GRIA1: variants seen among roughly 807,000 people sequenced by gnomAD.
GRIA1 encodes the protein glutamate receptor 1.
In GRIA1, 31 loss-of-function variants were observed where a neutral mutation model predicts 99.2. The observed-to-expected ratio is 0.31, with a 90% CI of 0.23 to 0.42. GRIA1 has a LOEUF of 0.42. Among genes scored for constraint, GRIA1 ranks in the 10% least tolerant of loss-of-function variants. The probability of loss-of-function intolerance (pLI) is 1.00; values close to 1 mark genes in which losing one functional copy is unlikely to be tolerated. For synonymous variants in GRIA1, 438 were observed against 432.4 expected (o/e 1.01, Z -0.16); for missense variants, 782 against 1,157.5 (o/e 0.68, Z 4.71).
intron 14 of GRIA1, among the ~76,000 whole-genome samples, chr5:153,796,165 A>G (rs1765634294): frequency 6.6e-6 from 1 of 151,972 alleles, no homozygotes; most frequent in Non-Finnish European, 1.5e-5. Flanking sequence ...TGAATTCATG[A>G]TGAGTTGAAG....
intron 11 of GRIA1, among the ~76,000 whole-genome samples, chr5:153,742,293 C>T (rs374642243): frequency 2.3e-4 from 35 of 152,158 alleles, no homozygotes; most frequent in East Asian, 1.5e-3. Context: ...ATGGACAGGG[C>T]GGTGGATGAC....
intron 1 of GRIA1, among the ~76,000 whole-genome samples, chr5:153,493,583 G>A (rs542957165): frequency 6.6e-6 from 1 of 152,304 alleles, no homozygotes; most frequent in South Asian, 2.1e-4. Context: ...TTATGTGTAT[G>A]TTTATATAAG....
Position 153,731,378 on chromosome 5 carries a change from T to C in GRIA1, c.1823+25311T>C, listed in dbSNP as rs146062589. Among the ~76,000 whole-genome samples the C allele has an allele frequency of 8.5e-5, 13 of 152,130 alleles. No individual in the cohort carries two copies. The East Asian group carries it at 2.5e-3, about 29-fold the overall frequency. On this transcript the variant is annotated intron_variant, in intron 11 of 15. Transcript: ENST00000285900. ...ATTCCATGCTGTCTCTCTAATATAC[T>C]CCTTCTTCACAATTCAGCTCCAATT...
intron 2 of GRIA1, 61 bp downstream of exon 2, chr5:153,494,126 T>A (rs556079435): frequency 2.9e-5 from 45 of 1,554,734 alleles, no homozygotes; most frequent in Non-Finnish European, 3.8e-5. Context: ...AAGGAGGGCC[T>A]GTGGGTAGGT....
intron 2 of GRIA1, among the ~76,000 whole-genome samples, chr5:153,631,137 T>C (rs977261697): frequency 3.3e-5 from 5 of 152,322 alleles, no homozygotes; most frequent in Admixed American, 2.6e-4. Flanking sequence ...TGCTGAGAAA[T>C]GAGAAAGAGG....
rs186760066 is a variant in GRIA1, at chr5:153,733,756, A to G, written c.1823+27689A>G. Among the ~76,000 whole-genome samples the G allele has an allele frequency of 2.0e-5, 3 of 152,302 alleles. No homozygotes were observed. The East Asian group carries it at 5.8e-4, about 29-fold the overall frequency. ...ACACTTTAAGTCATAAATTGTAACA[A>G]CAGACAAAGGGCATCATTATATAAT... is the stretch of plus-strand genomic sequence containing the variant. On this transcript the variant is annotated intron_variant, in intron 11 of 15. Transcript: ENST00000285900.
chr5:153,522,805 A>G (rs1269157856), intron 2 of GRIA1, among the ~76,000 whole-genome samples: 1 of 152,192 alleles, frequency 6.6e-6, no homozygotes, highest in Non-Finnish European at 1.5e-5. Flanking sequence ...AAATCTTACC[A>G]TGTAACTGCA....
At chr5:153,661,843 C>A (rs1407397251) in intron 5 of GRIA1, among the ~76,000 whole-genome samples, 1 of 152,158 alleles carries the variant, frequency 6.6e-6, no homozygotes, top group Non-Finnish European at 1.5e-5. Flanking sequence ...GCCTAAGAGG[C>A]CTTCTAACCC....
At chr5:153,766,862 A>G (rs761071074) in intron 12 of GRIA1, among the ~76,000 whole-genome samples, 4 of 152,202 alleles carry the variant, frequency 2.6e-5, no homozygotes, top group Non-Finnish European at 4.4e-5. Flanking sequence ...ACGTCAGTTG[A>G]CATATTACTG....
chr5:153,754,709 A>G (rs1325880411), intron 11 of GRIA1, among the ~76,000 whole-genome samples: 2 of 152,182 alleles, frequency 1.3e-5, no homozygotes. Flanking sequence ...CAGCCTGACA[A>G]TTCTTCCCAC....
intron 2 of GRIA1, among the ~76,000 whole-genome samples, chr5:153,605,485 C>T (rs1297784822): frequency 1.3e-5 from 2 of 152,156 alleles, no homozygotes; most frequent in Non-Finnish European, 2.9e-5. Flanking sequence ...TCTGGGTGCA[C>T]ATGTGCACAT....
chr5:153,610,588 A>G (rs1765892418), intron 2 of GRIA1, among the ~76,000 whole-genome samples: 2 of 152,210 alleles, frequency 1.3e-5, no homozygotes, highest in Admixed American at 6.5e-5. Context: ...GCTTCCCCTA[A>G]TTGTGGTCGA....
chr5:153,598,454 A>G (rs1433556578), intron 2 of GRIA1, among the ~76,000 whole-genome samples: 1 of 152,196 alleles, frequency 6.6e-6, no homozygotes, highest in Non-Finnish European at 1.5e-5. Flanking sequence ...ATTTGCAGTT[A>G]CACAGGGGAA....
At chr5:153,613,076 G>T (rs1387509562) in intron 2 of GRIA1, among the ~76,000 whole-genome samples, 2 of 152,196 alleles carry the variant, frequency 1.3e-5, no homozygotes, top group Non-Finnish European at 2.9e-5. Context: ...GGTATTCTTG[G>T]AGTCGGTCCT....
intron 11 of GRIA1, among the ~76,000 whole-genome samples, chr5:153,724,667 T>C (rs1272519388): frequency 6.6e-6 from 1 of 151,960 alleles, no homozygotes; most frequent in African/African-American, 2.4e-5. Context: ...ATGAAATGAA[T>C]GAAATGAAGC....
At chr5:153,553,560 G>T (rs1031690522) in intron 2 of GRIA1, among the ~76,000 whole-genome samples, 1 of 152,144 alleles carries the variant, frequency 6.6e-6, no homozygotes, top group Non-Finnish European at 1.5e-5. Flanking sequence ...GGGATGGACT[G>T]TCCATATGCA....
At position 153,676,994 on chromosome 5, in the gene GRIA1, T is replaced by G; in HGVS notation, c.862T>G (p.Tyr288Asp). 1 of 1,429,222 alleles carries G rather than the reference T, an allele frequency of 7.0e-7. No individual in the cohort carries two copies. The highest frequency in any genetic ancestry group is 9.3e-7 in the Non-Finnish European group (1 of 1,078,712). The allele number at this position is 1,429,222 out of a possible 1,614,324, so 88.5% of individuals were successfully genotyped here. The change falls in exon 7 of 16, where the codon TAC (tyrosine) becomes GAC (aspartate). Residue 288 changes from tyrosine (Y) to aspartate (D), a missense_variant and splice_region_variant. Transcript: ENST00000285900. ...HTRVDWKRPK[Y>D]TSALTYDGVK... is the part of the protein sequence containing the mutation. ...TAACTGTCTCCATTCCTCCCACTAG[T>G]ACACCTCTGCGCTCACCTACGATGG...
At chr5:153,590,409 T>C (rs1212938743) in intron 2 of GRIA1, among the ~76,000 whole-genome samples, 30 of 151,728 alleles carry the variant, frequency 2.0e-4, no homozygotes, top group Admixed American at 2.0e-3. Flanking sequence ...GTTTTTAGGG[T>C]TGGATAAAAT....
chr5:153,801,489 A>C (rs1455239090), intron 14 of GRIA1, among the ~76,000 whole-genome samples: 1 of 152,234 alleles, frequency 6.6e-6, no homozygotes, highest in East Asian at 1.9e-4. Context: ...GCCACCTCCC[A>C]CTAGACATGA....
Sources: allele counts gnomAD v4.1 joint callset (sites outside exome capture counted in the v4.1 genomes callset), GRCh38; gene constraint gnomAD v4.1.1; transcripts MANE v1.5; gene names NCBI Gene and HGNC (gene_info 2026-07-23, HGNC 2026-07-21).